FAT3: variants seen among roughly 807,000 people sequenced by gnomAD.
The protein encoded by FAT3 is FAT atypical cadherin 3, also known as protocadherin Fat 3.
In FAT3, 95 loss-of-function variants were observed where a neutral mutation model predicts 310.2. The observed-to-expected ratio is 0.31, with a 90% CI of 0.26 to 0.36. FAT3 has a LOEUF of 0.36. FAT3 is among the 10% of genes least tolerant of loss of function. The pLI, the probability that FAT3 is intolerant of heterozygous loss-of-function variation, is 1.00. For synonymous variants in FAT3, 2,314 were observed against 2,192.9 expected (o/e 1.06, Z -1.54); for missense variants, 5,408 against 5,715.6 (o/e 0.95, Z 1.74).
chr11:92,710,157 T>G (rs147481601), intron 4 of FAT3, among the ~76,000 whole-genome samples: 8 of 152,342 alleles, frequency 5.3e-5, no homozygotes, highest in East Asian at 1.9e-4. Flanking sequence ...GTAGCCCTCT[T>G]AAGAAGCTTC....
At chr11:92,766,143 G>A (rs1484981735) in intron 6 of FAT3, among the ~76,000 whole-genome samples, 2 of 152,162 alleles carry the variant, frequency 1.3e-5, no homozygotes, top group Non-Finnish European at 2.9e-5. Flanking sequence ...AAGCAAGCAC[G>A]CCAGGCTGCA....
rs890866905 is a variant in FAT3 at position 92,895,990 on chromosome 11, G to A, written c.*4877G>A. ...TTTTTTACTCATTTCAAAATGTACT[G>A]TAACCTTTCTTTGGTTCTTACTGTT... On this transcript the variant is annotated 3_prime_UTR_variant, in exon 28 of 28. Coordinates refer to ENST00000525166, the MANE Select transcript of FAT3 (RefSeq NM_001367949.2). The A allele has an allele frequency of 3.3e-5, 5 of 152,162 alleles. No homozygotes were observed. Among genetic ancestry groups the A allele is most frequent in the Middle Eastern group, 6.8e-3 (2 of 292 alleles). The allele number at this position is 152,162 out of a possible 1,614,324, so 9.4% of individuals were successfully genotyped here. A position where few individuals can be genotyped will look rare whatever the true frequency, so the allele number is the denominator to read the frequency against.
At chr11:92,585,229 C>T (rs1360295462) in intron 3 of FAT3, among the ~76,000 whole-genome samples, 1 of 152,046 alleles carries the variant, frequency 6.6e-6, no homozygotes, top group Non-Finnish European at 1.5e-5. Context: ...TAATAAGTTT[C>T]ATCTTCAATG....
Position 92,890,690 on chromosome 11 carries a change from C to T in FAT3, c.13347C>T (p.Asp4449=), listed in dbSNP as rs2136445105. 3 of 1,613,612 alleles carry T rather than the reference C, an allele frequency of 1.9e-6. No individual in the cohort carries two copies. The highest frequency in any genetic ancestry group is 2.5e-6 in the Non-Finnish European group (3 of 1,179,786). ...PPHEEEFLSQ[D]QLPPPLPEDF... ...ATGAAGAGGAGTTCTTGAGTCAGGA[C>T]CAGCTGCCTCCTCCTCTCCCGGAGG... The change falls in exon 28 of 28, where the codon GAC becomes GAT. Residue 4449 remains aspartate (D), a synonymous_variant. Transcript: ENST00000525166.
chr11:92,284,878 G>A lies in FAT3; in HGVS notation c.-18+59704G>A, dbSNP rs545885005. Among the ~76,000 whole-genome samples the A allele has an allele frequency of 5.3e-5, 8 of 152,256 alleles. No homozygotes were observed. In the East Asian group the frequency reaches 1.2e-3, roughly 22 times the overall value. ...AAGATCCTCTATAAATATCTTCTGG[G>A]TGAAATTGCATTGCTGAAATATAGC... On this transcript the variant is annotated intron_variant, in intron 1 of 27. Coordinates refer to ENST00000525166, the MANE Select transcript of FAT3 (RefSeq NM_001367949.2).
At chr11:92,528,676 T>C (rs374501021) in intron 3 of FAT3, among the ~76,000 whole-genome samples, 37 of 152,306 alleles carry the variant, frequency 2.4e-4, no homozygotes, top group Admixed American at 5.9e-4. Context: ...TGAGCCACCG[T>C]GCCCGGCCTC....
chr11:92,294,600 C>A (rs1028978998), intron 1 of FAT3, among the ~76,000 whole-genome samples: 5 of 151,814 alleles, frequency 3.3e-5, no homozygotes, highest in Admixed American at 2.6e-4. Flanking sequence ...AAGAGGACAG[C>A]CATCAAGAGT....
chr11:92,406,131 A>T (rs534060914), intron 2 of FAT3, among the ~76,000 whole-genome samples: 9 of 151,546 alleles, frequency 5.9e-5, no homozygotes, highest in Middle Eastern at 3.4e-3. Flanking sequence ...CCTAGTTTCC[A>T]CTATGAGTTC....
chr11:92,584,106 T>C (rs1938997808), intron 3 of FAT3, among the ~76,000 whole-genome samples: 1 of 152,032 alleles, frequency 6.6e-6, no homozygotes, highest in Non-Finnish European at 1.5e-5. Flanking sequence ...CTTTCTGTGT[T>C]TTTGAGAAGA....
At chr11:92,727,154 G>A (rs1791569) in intron 4 of FAT3, among the ~76,000 whole-genome samples, 52,153 of 151,996 alleles carry the variant, frequency 0.34, 9,344 homozygotes, top group African/African-American at 0.42. Context: ...TTTTTGGCAA[G>A]TTGGCTTCTG....
At chr11:92,622,345 T>C (rs1053896381) in intron 3 of FAT3, among the ~76,000 whole-genome samples, 1 of 152,174 alleles carries the variant, frequency 6.6e-6, no homozygotes, top group African/African-American at 2.4e-5. Flanking sequence ...TTAATTCTCT[T>C]AGTAATAAAA....
chr11:92,329,491 A>T (rs1048097311), intron 1 of FAT3, among the ~76,000 whole-genome samples: 2 of 152,024 alleles, frequency 1.3e-5, no homozygotes, highest in African/African-American at 4.8e-5. Flanking sequence ...TGCTTCTTGT[A>T]CAGCCTGCAG....
rs140886151 is a variant in FAT3, at chr11:92,471,915, CTATATATATATATATATATA to C, written c.3293-52697_3293-52678del. Among the ~76,000 whole-genome samples, 320 of 124,938 alleles carry C rather than the reference CTATATATATATATATATATA, an allele frequency of 2.6e-3. 2 individuals are homozygous for C. Among genetic ancestry groups the C allele is most frequent in the South Asian group, 6.4e-3 (23 of 3,594 alleles). 82.0% of individuals were successfully genotyped at this position (124,938 alleles called of 152,430 possible). ...TTCAAAAGACCCTACTTTTCATATGCTATATATATATATATATATATATATATATATATATATATATTCTG... is the reference window on the plus strand; with the variant it reads ...TTCAAAAGACCCTACTTTTCATATGCTATATATATATATATATATATTCTG... On this transcript the variant is annotated intron_variant, in intron 2 of 27. Coordinates refer to ENST00000525166, the MANE Select transcript of FAT3 (RefSeq NM_001367949.2).
intron 2 of FAT3, among the ~76,000 whole-genome samples, chr11:92,394,011 G>A (rs1949805108): frequency 6.6e-6 from 1 of 152,158 alleles, no homozygotes; most frequent in Non-Finnish European, 1.5e-5. Flanking sequence ...TGCTTGTCAA[G>A]GGTGGGGACT....
chr11:92,230,393 A>G (rs1864121323), intron 1 of FAT3, among the ~76,000 whole-genome samples: 2 of 152,046 alleles, frequency 1.3e-5, no homozygotes, highest in Non-Finnish European at 2.9e-5. Context: ...TCCTGGGTTC[A>G]AGTGATTCTC....
At chr11:92,328,400 G>A (rs1243764935) in intron 1 of FAT3, among the ~76,000 whole-genome samples, 3 of 152,170 alleles carry the variant, frequency 2.0e-5, no homozygotes, top group Non-Finnish European at 4.4e-5. Flanking sequence ...TAACTGAAAT[G>A]CTTTTGTTCT....
At chr11:92,882,700 G>T (rs374999441) in intron 23 of FAT3, 38 bp from the exon 24 acceptor site, 8 of 1,559,510 alleles carry the variant, frequency 5.1e-6, no homozygotes, top group Middle Eastern at 1.7e-4. Context: ...TGTGTGCACT[G>T]GTCCTGACGG....
At position 92,321,672 on chromosome 11, in the gene FAT3, C is replaced by T. The variant is rs535112430; in HGVS notation, c.-17-30424C>T. Among the ~76,000 whole-genome samples the T allele has an allele frequency of 2.4e-4, 37 of 152,270 alleles. No homozygotes were observed. In the South Asian group the frequency reaches 6.0e-3, roughly 25 times the overall value. ...TTATGCAGCATTTCAGAGCAAGCTA[C>T]GGAGCTGGGCTTGGGCAGTTAAATC... On this transcript the variant is annotated intron_variant, in intron 1 of 27. Coordinates refer to ENST00000525166, the MANE Select transcript of FAT3 (RefSeq NM_001367949.2).
In FAT3 at chr11:92,628,683, G is replaced by A. The variant is rs566798540; in HGVS notation, c.3608-68701G>A. Reference sequence around the variant, plus strand: ...AAGGCGGTGTTTCCATGGAAAAAGCGCATTTGTTGCTTAGGAGATTGTCCA... The same window carrying A: ...AAGGCGGTGTTTCCATGGAAAAAGCACATTTGTTGCTTAGGAGATTGTCCA... On this transcript the variant is annotated intron_variant, in intron 3 of 27. Transcript: ENST00000525166. Among the ~76,000 whole-genome samples, 80 of 152,262 alleles carry A rather than the reference G, an allele frequency of 5.3e-4. 1 individual carries two copies. The South Asian group carries it at 0.014, about 26-fold the overall frequency.
Sources: allele counts gnomAD v4.1 joint callset (sites outside exome capture counted in the v4.1 genomes callset), GRCh38; gene constraint gnomAD v4.1.1; transcripts MANE v1.5; gene names NCBI Gene and HGNC (gene_info 2026-07-23, HGNC 2026-07-21).